HEATR5B: variants seen among roughly 807,000 people sequenced by gnomAD.
HEATR5B encodes the protein HEAT repeat containing 5B.
In HEATR5B, 156 loss-of-function variants were observed where a neutral mutation model predicts 224.1. The observed-to-expected ratio is 0.70, with a 90% CI of 0.61 to 0.80. The LOEUF (loss-of-function observed/expected upper bound fraction) is 0.80. Among genes scored for constraint, HEATR5B ranks in the 30% least tolerant of loss-of-function variants. HEATR5B has a pLI of 0.00. For synonymous variants in HEATR5B, 1,027 were observed against 893.0 expected, an observed-to-expected ratio of 1.15 and a Z score of -2.68; for missense variants, 2,323 against 2,535.5, an observed-to-expected ratio of 0.92 and a Z score of 1.80.
At chr2:37,012,878 T>C (rs1326554370) in intron 27 of HEATR5B, among the ~76,000 whole-genome samples, 1 of 152,242 alleles carries the variant, frequency 6.6e-6, no homozygotes, top group Non-Finnish European at 1.5e-5. Context: ...CAGCCTATTG[T>C]AACTGCCTCT....
At chr2:36,993,213 A>G (rs1249696139) in intron 33 of HEATR5B, among the ~76,000 whole-genome samples, 1 of 151,980 alleles carries the variant, frequency 6.6e-6, no homozygotes, top group African/African-American at 2.4e-5. Flanking sequence ...CATTGAAGTA[A>G]CAGTAAGGGA....
In HEATR5B at chr2:37,068,793, T is replaced by A. The variant is rs753653344; in HGVS notation, c.1065A>T (p.Arg355=). ...QTHVEAVYSR[R]CVSFILRATV... is the part of the protein sequence containing the mutation. ...TAGCTCTTAGGATAAAGGAAACACA[T>A]CGTCTGGAGTACACAGCCTCCACAT... Residue 355 remains arginine (R), a synonymous_variant, in exon 8 of 36, where the codon CGA becomes CGT. Coordinates refer to ENST00000233099, the MANE Select transcript of HEATR5B (RefSeq NM_019024.3). 8 of 1,614,120 alleles carry A rather than the reference T, an allele frequency of 5.0e-6. No homozygotes were observed. In the South Asian group the frequency reaches 8.8e-5, roughly 18 times the overall value.
Position 37,009,127 on chromosome 2 carries a change from A to G in HEATR5B, c.4285-279T>C, listed in dbSNP as rs544321665. Among the ~76,000 whole-genome samples the G allele has an allele frequency of 4.0e-5, 6 of 151,856 alleles. No individual in the cohort carries two copies. The South Asian group carries it at 1.2e-3, about 32-fold the overall frequency. ...ACAAAAATTAGCCGGGCATGGTGGC[A>G]GGCACCTGTAGTCCTAGCTACTCCA... On this transcript the variant is annotated intron_variant, in intron 27 of 35. Coordinates refer to ENST00000233099, the MANE Select transcript of HEATR5B (RefSeq NM_019024.3).
intron 33 of HEATR5B, among the ~76,000 whole-genome samples, chr2:36,991,859 T>C (rs182266311): frequency 8.9e-4 from 136 of 152,306 alleles, no homozygotes; most frequent in African/African-American, 3.2e-3. Flanking sequence ...ACCAGCTTTT[T>C]GTAATATGGA....
chr2:37,027,690 C>T (rs1011571438), intron 24 of HEATR5B, among the ~76,000 whole-genome samples: 1 of 152,182 alleles, frequency 6.6e-6, no homozygotes, highest in Non-Finnish European at 1.5e-5. Flanking sequence ...AATAGACACA[C>T]AGATCAATCT....
At chr2:37,054,839 G>T (rs562013182) in intron 16 of HEATR5B, among the ~76,000 whole-genome samples, 2 of 152,220 alleles carry the variant, frequency 1.3e-5, no homozygotes, top group East Asian at 3.9e-4. Flanking sequence ...AAAAAGAAAT[G>T]ATGTGAAACA....
chr2:37,069,267 C>G (rs902842335), intron 7 of HEATR5B, among the ~76,000 whole-genome samples: 7 of 152,152 alleles, frequency 4.6e-5, no homozygotes, highest in Non-Finnish European at 8.8e-5. Context: ...TAAACACTGA[C>G]TTAGAGCTAT....
At chr2:37,046,446 C>G (rs535589571) in intron 18 of HEATR5B, among the ~76,000 whole-genome samples, 7 of 152,036 alleles carry the variant, frequency 4.6e-5, no homozygotes, top group Non-Finnish European at 1.0e-4. Context: ...TGAGACCAGC[C>G]TGGCCAACAT....
In HEATR5B at chr2:37,008,665, CT is replaced by C. The variant is rs1558724250; in HGVS notation, c.4467del (p.Asp1490IlefsTer5). On this transcript the variant is annotated frameshift_variant, in exon 28 of 36. Transcript: ENST00000233099. LOFTEE classifies it high-confidence loss of function. Reference protein sequence around the residue: ...TLSRLWLAALKDYALLTLPAE... With the variant: ...TLSRLWLAALXDYALLTLPAE... The stretch of plus-strand genomic sequence containing the variant: ...GCTGGTAAAGTCAAGAGTGCATAAT[CT>C]TTTAATGCTGCTAACCACAGGCGAC... The C allele has an allele frequency of 1.2e-6, 2 of 1,614,162 alleles. No individual in the cohort carries two copies. The highest frequency in any genetic ancestry group is 1.7e-6 in the Non-Finnish European group (2 of 1,180,022).
At chr2:37,045,817 G>A (rs982868697) in intron 18 of HEATR5B, among the ~76,000 whole-genome samples, 1 of 152,176 alleles carries the variant, frequency 6.6e-6, no homozygotes. Context: ...GTAATCTGGA[G>A]CATCTTTAGT....
At chr2:37,048,257 TC>T (rs1304433911) in intron 18 of HEATR5B, among the ~76,000 whole-genome samples, 1 of 151,676 alleles carries the variant, frequency 6.6e-6, no homozygotes, top group Non-Finnish European at 1.5e-5. Context: ...TGATCTTGGC[TC>T]ACTGCAACCT....
intron 33 of HEATR5B, among the ~76,000 whole-genome samples, chr2:36,994,984 T>C (rs1428704891): frequency 6.6e-6 from 1 of 151,970 alleles, no homozygotes; most frequent in Non-Finnish European, 1.5e-5. Context: ...TCTCCTGACT[T>C]CATGATCTGT....
chr2:36,981,426 T>C lies in HEATR5B; in HGVS notation c.*64A>G. 1 of 1,248,908 alleles carries C rather than the reference T, an allele frequency of 8.0e-7. No individual in the cohort carries two copies. 77.4% of individuals were successfully genotyped at this position (1,248,908 alleles called of 1,614,324 possible). ...AGAACCCATAGGTAGCCTGGAATGA[T>C]ACAGTGGCCATCACTAATTAGGGGC... On this transcript the variant is annotated 3_prime_UTR_variant, in exon 36 of 36. Transcript: ENST00000233099.
chr2:37,034,245 A>G (rs1410109289), intron 21 of HEATR5B, among the ~76,000 whole-genome samples: 3 of 149,842 alleles, frequency 2.0e-5, no homozygotes, highest in Non-Finnish European at 4.4e-5. Flanking sequence ...TGACCTTCTG[A>G]TCCGCCCACC....
At chr2:37,046,042 T>C (rs1406836476) in intron 18 of HEATR5B, among the ~76,000 whole-genome samples, 1 of 152,234 alleles carries the variant, frequency 6.6e-6, no homozygotes, top group Non-Finnish European at 1.5e-5. Context: ...CATCATTTTG[T>C]TCATATTTAA....
At chr2:37,059,494 C>G (rs1671143875) in intron 12 of HEATR5B, among the ~76,000 whole-genome samples, 1 of 113,436 alleles carries the variant, frequency 8.8e-6, no homozygotes, top group African/African-American at 3.5e-5. Context: ...GAGAGAGTCT[C>G]ACTCTGTCAA....
intron 35 of HEATR5B, among the ~76,000 whole-genome samples, chr2:36,987,178 G>C (rs111911796): frequency 0.26 from 39,243 of 152,018 alleles, 5,454 homozygotes; most frequent in Non-Finnish European, 0.3. Flanking sequence ...CTTGTAATCC[G>C]AGCACTTTGG....
intron 4 of HEATR5B, 42 bp downstream of exon 4, chr2:37,076,869 G>A (rs1324439105): frequency 7.6e-6 from 11 of 1,438,368 alleles, no homozygotes; most frequent in Non-Finnish European, 7.8e-6. Context: ...TCTAACTCTT[G>A]CCACAAGCAA....
chr2:37,084,116 C>T (rs1257698458), intron 1 of HEATR5B, among the ~76,000 whole-genome samples, 153 bp downstream of exon 1: 1 of 152,238 alleles, frequency 6.6e-6, no homozygotes, highest in African/African-American at 2.4e-5. Flanking sequence ...GTTCCGCAGG[C>T]TGTCAATAGC....
Sources: allele counts gnomAD v4.1 joint callset (sites outside exome capture counted in the v4.1 genomes callset), GRCh38; gene constraint gnomAD v4.1.1; transcripts MANE v1.5; gene names NCBI Gene and HGNC (gene_info 2026-07-23, HGNC 2026-07-21).